Variants in SLC9A9 observed in about 807,000 individuals in gnomAD.
The protein encoded by SLC9A9 is solute carrier family 9 member A9, also known as sodium/hydrogen exchanger 9.
SLC9A9 carries 62 observed loss-of-function variants against 77.8 expected under a neutral mutation model. The ratio of observed to expected loss-of-function variants is 0.80; its 90% CI spans 0.65 to 0.98. SLC9A9 has a LOEUF of 0.98. Ranked by LOEUF, SLC9A9 falls within the 50% of genes least tolerant of loss-of-function variation. SLC9A9 has a pLI of 0.00. For missense variants in SLC9A9, 775 were observed against 774.9 expected (o/e 1.00, Z 0.00); for synonymous variants, 320 against 283.5 (o/e 1.13, Z -1.29).
At chr3:143,271,589 A>G (rs773208715) in intron 14 of SLC9A9, among the ~76,000 whole-genome samples, 1 of 152,236 alleles carries the variant, frequency 6.6e-6, no homozygotes, top group African/African-American at 2.4e-5. Flanking sequence ...TGCTCCAGTC[A>G]TTTGGTGTAG....
chr3:143,735,249 C>T (rs182499789), intron 4 of SLC9A9, among the ~76,000 whole-genome samples: 2 of 152,282 alleles, frequency 1.3e-5, no homozygotes, highest in African/African-American at 4.8e-5. Flanking sequence ...GTTAAAGCTT[C>T]TGCAATCAAT....
At chr3:143,633,266 AT>A (rs894022650) in intron 6 of SLC9A9, among the ~76,000 whole-genome samples, 3 of 152,220 alleles carry the variant, frequency 2.0e-5, no homozygotes, top group Non-Finnish European at 4.4e-5. Flanking sequence ...TTCTTAAATC[AT>A]TTTTATTACA....
intron 13 of SLC9A9, among the ~76,000 whole-genome samples, chr3:143,374,244 T>G (rs1016990905): frequency 3.3e-5 from 5 of 151,534 alleles, no homozygotes; most frequent in Admixed American, 6.6e-5. Flanking sequence ...GCTAACATGG[T>G]GAAACCCCGT....
At chr3:143,725,284 G>T (rs1376430397) in intron 4 of SLC9A9, among the ~76,000 whole-genome samples, 1 of 152,044 alleles carries the variant, frequency 6.6e-6, no homozygotes, top group Non-Finnish European at 1.5e-5. Flanking sequence ...TTACACTGTT[G>T]GTGGGACTGT....
At chr3:143,741,057 T>C (rs981818377) in intron 4 of SLC9A9, among the ~76,000 whole-genome samples, 2 of 152,184 alleles carry the variant, frequency 1.3e-5, no homozygotes, top group Non-Finnish European at 2.9e-5. Flanking sequence ...TATAGATATG[T>C]ATATATATGC....
intron 13 of SLC9A9, among the ~76,000 whole-genome samples, chr3:143,379,115 C>G (rs770139540): frequency 6.6e-6 from 1 of 151,796 alleles, no homozygotes; most frequent in African/African-American, 2.4e-5. Flanking sequence ...AATTTTTAGC[C>G]TTTGGTAAGT....
At chr3:143,589,101 G>A (rs2037606484) in intron 6 of SLC9A9, among the ~76,000 whole-genome samples, 2 of 152,164 alleles carry the variant, frequency 1.3e-5, no homozygotes, top group African/African-American at 4.8e-5. Flanking sequence ...AAATAGAGAA[G>A]GAGGTCAAAT....
In SLC9A9 at chr3:143,594,851, C is replaced by T. The variant is rs568246294; in HGVS notation, c.756-16128G>A. 4.1e-4 allele frequency among the ~76,000 whole-genome samples: 62 copies of T among 152,302 alleles called. 1 individual carries two copies. The highest frequency in any genetic ancestry group is 1.4e-3 in the African/African-American group (59 of 41,574). On this transcript the variant is annotated intron_variant, in intron 6 of 15. Transcript: ENST00000316549. ...GATTCGCTTCCCTCCAGACTTTCCC[C>T]TATGCACAACAAAATGTTTATGTTT...
At chr3:143,703,219 G>A (rs1933857063) in intron 4 of SLC9A9, among the ~76,000 whole-genome samples, 1 of 151,976 alleles carries the variant, frequency 6.6e-6, no homozygotes, top group Non-Finnish European at 1.5e-5. Flanking sequence ...TAGACCAAAT[G>A]CACCTAATAG....
chr3:143,322,433 G>A (rs543166961), intron 14 of SLC9A9, among the ~76,000 whole-genome samples: 9 of 152,264 alleles, frequency 5.9e-5, no homozygotes, highest in Non-Finnish European at 1.2e-4. Flanking sequence ...GATTCAGACT[G>A]AGCAACACCA....
At chr3:143,401,955 G>T (rs1348297200) in intron 12 of SLC9A9, among the ~76,000 whole-genome samples, 1 of 152,140 alleles carries the variant, frequency 6.6e-6, no homozygotes, top group Non-Finnish European at 1.5e-5. Context: ...ACCCTAGTGA[G>T]GTACATCTCA....
intron 11 of SLC9A9, among the ~76,000 whole-genome samples, chr3:143,483,586 C>T (rs546338425): frequency 6.6e-6 from 1 of 152,116 alleles, no homozygotes; most frequent in Non-Finnish European, 1.5e-5. Context: ...AAATATCTTA[C>T]TTATGCAAAC....
chr3:143,388,195 T>C (rs1051617375), intron 12 of SLC9A9, among the ~76,000 whole-genome samples: 9 of 152,164 alleles, frequency 5.9e-5, no homozygotes, highest in African/African-American at 9.7e-5. Context: ...AGAATATCAC[T>C]TGGGGGCCAA....
At chr3:143,769,808 C>A (rs1451072542) in intron 4 of SLC9A9, among the ~76,000 whole-genome samples, 1 of 152,150 alleles carries the variant, frequency 6.6e-6, no homozygotes, top group African/African-American at 2.4e-5. Context: ...CTCAGTGTGA[C>A]TCAAGGATGG....
At chr3:143,574,042 A>T in intron 8 of SLC9A9, 46 bp downstream of exon 8, 1 of 1,531,012 alleles carries the variant, frequency 6.5e-7, no homozygotes, top group Admixed American at 1.7e-5. Flanking sequence ...CCAGAGCCAC[A>T]CACATATTCA....
intron 6 of SLC9A9, among the ~76,000 whole-genome samples, chr3:143,651,314 T>C (rs531075886): frequency 6.6e-6 from 1 of 152,256 alleles, no homozygotes; most frequent in Non-Finnish European, 1.5e-5. Context: ...CACTTGAAAA[T>C]TGTTGAATTC....
intron 5 of SLC9A9, among the ~76,000 whole-genome samples, chr3:143,682,052 GC>G (rs1553779336): frequency 6.6e-6 from 1 of 152,106 alleles, no homozygotes; most frequent in Non-Finnish European, 1.5e-5. Flanking sequence ...GTATCTAGAG[GC>G]TCATGCTACT....
intron 5 of SLC9A9, among the ~76,000 whole-genome samples, chr3:143,672,452 CA>C (rs1482461815): frequency 1.3e-5 from 2 of 152,052 alleles, no homozygotes; most frequent in Non-Finnish European, 1.5e-5. Flanking sequence ...TGAAGGAAAA[CA>C]AAACTGAAAA....
At chr3:143,742,905 T>C (rs1935108144) in intron 4 of SLC9A9, among the ~76,000 whole-genome samples, 1 of 152,138 alleles carries the variant, frequency 6.6e-6, no homozygotes, top group South Asian at 2.1e-4. Flanking sequence ...AAAACTGTTC[T>C]AAAACATAAA....
Sources: gnomAD v4.1 joint callset for allele counts (sites outside exome capture counted in the v4.1 genomes callset) on GRCh38, gnomAD v4.1.1 for gene constraint, MANE v1.5 for transcripts, NCBI Gene and HGNC (gene_info 2026-07-23, HGNC 2026-07-21) for gene names.